NRXN3: variants seen among roughly 807,000 people sequenced by gnomAD.
The protein encoded by NRXN3 is neurexin III.
A neutral mutation model predicts 137.6 loss-of-function variants in NRXN3; 32 were observed. The observed-to-expected ratio is 0.23, with a 90% CI of 0.18 to 0.31. The LOEUF (loss-of-function observed/expected upper bound fraction) is 0.31, where lower values mean the gene tolerates loss of function less well. NRXN3 is among the 10% of genes least tolerant of loss of function. NRXN3 has a pLI of 1.00. For missense variants in NRXN3, 1,574 were observed against 2,062.5 expected (o/e 0.76, Z 4.59); for synonymous variants, 798 against 784.5 (o/e 1.02, Z -0.29).
At chr14:78,299,271 G>A (rs10145519) in intron 4 of NRXN3, among the ~76,000 whole-genome samples, 24,755 of 151,986 alleles carry the variant, frequency 0.16, 2,165 homozygotes, top group Admixed American at 0.21. Flanking sequence ...GGAGGGAAGG[G>A]CCAACAGCAA....
intron 4 of NRXN3, among the ~76,000 whole-genome samples, chr14:78,461,947 C>T (rs2153719585): frequency 6.6e-6 from 1 of 152,276 alleles, no homozygotes; most frequent in Non-Finnish European, 1.5e-5. Flanking sequence ...GCAGGCAGTG[C>T]TTTGGGGATA....
At chr14:78,599,665 TC>T (rs1187650224) in intron 4 of NRXN3, among the ~76,000 whole-genome samples, 1 of 152,196 alleles carries the variant, frequency 6.6e-6, no homozygotes, top group African/African-American at 2.4e-5. Context: ...AGATTTTTTG[TC>T]CCTACAGCCT....
At chr14:79,424,819 C>T (rs1354505986) in intron 15 of NRXN3, among the ~76,000 whole-genome samples, 2 of 152,162 alleles carry the variant, frequency 1.3e-5, no homozygotes, top group Non-Finnish European at 2.9e-5. Context: ...GCAGGCGATA[C>T]TTTGCTTTTG....
intron 10 of NRXN3, among the ~76,000 whole-genome samples, chr14:78,866,803 T>C: frequency 6.7e-6 from 1 of 149,520 alleles, no homozygotes; most frequent in Non-Finnish European, 1.5e-5. Context: ...TCTTTTTTTT[T>C]TTTTTTTTTT....
At chr14:79,768,065 G>C (rs567534391) in intron 19 of NRXN3, among the ~76,000 whole-genome samples, 1 of 152,150 alleles carries the variant, frequency 6.6e-6, no homozygotes, top group African/African-American at 2.4e-5. Context: ...CTTTTCCGAC[G>C]GGCTTAAAAA....
chr14:79,453,239 C>A (rs1402664486), intron 15 of NRXN3, among the ~76,000 whole-genome samples: 3 of 152,008 alleles, frequency 2.0e-5, no homozygotes, highest in Non-Finnish European at 4.4e-5. Flanking sequence ...ACCAGCCTGG[C>A]CAACATGCTG....
At chr14:79,254,800 G>GCCTC (rs558606833) in intron 15 of NRXN3, among the ~76,000 whole-genome samples, 11 of 151,582 alleles carry the variant, frequency 7.3e-5, no homozygotes, top group South Asian at 2.1e-4. Flanking sequence ...CTCCCTGCCT[G>GCCTC]CCTCCCTCCC....
chr14:78,832,992 G>C (rs192291982), intron 10 of NRXN3, among the ~76,000 whole-genome samples: 1 of 152,152 alleles, frequency 6.6e-6, no homozygotes, highest in African/African-American at 2.4e-5. Flanking sequence ...TCTTTCCGGG[G>C]AAGACATAAG....
At chr14:79,551,657 G>A (rs1296138072) in intron 16 of NRXN3, among the ~76,000 whole-genome samples, 1 of 152,180 alleles carries the variant, frequency 6.6e-6, no homozygotes, top group Non-Finnish European at 1.5e-5. Flanking sequence ...GTGGACTCCA[G>A]TGTTTAGCTC....
intron 4 of NRXN3, among the ~76,000 whole-genome samples, chr14:78,311,509 T>A (rs999193614): frequency 2.0e-5 from 3 of 152,262 alleles, no homozygotes; most frequent in Middle Eastern, 3.4e-3. Flanking sequence ...ATTCTTAAAC[T>A]TTCTTAAAAC....
At chr14:79,181,681 CAAAAA>C (rs10658164) in intron 15 of NRXN3, among the ~76,000 whole-genome samples, 2 of 97,502 alleles carry the variant, frequency 2.1e-5, no homozygotes, top group Admixed American at 2.4e-4. Context: ...GACCCTGTCT[CAAAAA>C]AAAAAAAAAA....
rs368412510 is a variant in NRXN3, at chr14:79,053,607, T to C, written c.3262+65466T>C. On this transcript the variant is annotated intron_variant, in intron 15 of 20. Transcript: ENST00000335750. ...TTGTATGTGAGTATTGTGCGTGTTC[T>C]ATGTGTGCTGTATGCCGTGTGTGTG... Among the ~76,000 whole-genome samples the C allele has an allele frequency of 1.0e-4, 14 of 137,170 alleles. No homozygotes were observed. The East Asian group carries it at 1.8e-3, about 17-fold the overall frequency. The allele number at this position is 137,170 out of a possible 152,430, so 90.0% of individuals were successfully genotyped here.
chr14:78,744,205 G>A (rs2098596280), intron 8 of NRXN3, among the ~76,000 whole-genome samples: 1 of 152,078 alleles, frequency 6.6e-6, no homozygotes, highest in Admixed American at 6.6e-5. Flanking sequence ...GCAGTGACGC[G>A]ATCTCAGTTC....
At chr14:78,819,018 G>C (rs1410879157) in intron 10 of NRXN3, among the ~76,000 whole-genome samples, 1 of 152,066 alleles carries the variant, frequency 6.6e-6, no homozygotes, top group African/African-American at 2.4e-5. Flanking sequence ...GGCCCTAAAT[G>C]CTGGTTTACT....
chr14:78,948,991 G>C (rs1347315598), intron 10 of NRXN3, among the ~76,000 whole-genome samples: 1 of 152,014 alleles, frequency 6.6e-6, no homozygotes, highest in South Asian at 2.1e-4. Context: ...CTAAAGCTGG[G>C]GTATAGTAGA....
intron 15 of NRXN3, among the ~76,000 whole-genome samples, chr14:79,011,146 AGTT>A (rs2099570212): frequency 1.3e-5 from 2 of 152,122 alleles, no homozygotes; most frequent in Admixed American, 6.6e-5. Flanking sequence ...TAATAAAAGG[AGTT>A]GTTGTTTGTT....
chr14:79,773,682 G>C (rs1016867249), intron 19 of NRXN3, among the ~76,000 whole-genome samples: 43 of 151,076 alleles, frequency 2.8e-4, no homozygotes, highest in Non-Finnish European at 4.7e-4. Flanking sequence ...AATGCTAGAC[G>C]ATGAGTTAGT....
chr14:79,840,960 A>T (rs1324789053), intron 20 of NRXN3, among the ~76,000 whole-genome samples: 1 of 152,132 alleles, frequency 6.6e-6, no homozygotes, highest in Non-Finnish European at 1.5e-5. Context: ...AGCTTTTGGA[A>T]TGACTGGAAA....
intron 15 of NRXN3, among the ~76,000 whole-genome samples, chr14:79,046,626 TCAGA>T (rs921636021): frequency 2.1e-4 from 32 of 152,184 alleles, no homozygotes; most frequent in African/African-American, 7.7e-4. Context: ...GAGACTTTCA[TCAGA>T]CAATCAGTCT....
Sources: gnomAD v4.1 joint callset for allele counts (sites outside exome capture counted in the v4.1 genomes callset) on GRCh38, gnomAD v4.1.1 for gene constraint, MANE v1.5 for transcripts, NCBI Gene and HGNC (gene_info 2026-07-23, HGNC 2026-07-21) for gene names.